Variants in PCDHGA8 observed in about 807,000 individuals in gnomAD.
The protein encoded by PCDHGA8 is protocadherin gamma subfamily A, 8, also known as protocadherin gamma-A8.
In PCDHGA8, 45 loss-of-function variants were observed where a neutral mutation model predicts 59.2. The observed-to-expected ratio is 0.76, with a 90% CI of 0.60 to 0.98. The LOEUF is 0.98. Among genes scored for constraint, PCDHGA8 ranks in the 50% least tolerant of loss-of-function variants. The pLI, the probability that PCDHGA8 is intolerant of heterozygous loss-of-function variation, is 0.00. For missense variants in PCDHGA8, 1,257 were observed against 1,196.2 expected (o/e 1.05, Z -0.75); for synonymous variants, 531 against 519.0 (o/e 1.02, Z -0.32).
intron 1 of PCDHGA8, chr5:141,409,191 A>G: frequency 1.2e-6 from 2 of 1,613,970 alleles, no homozygotes; most frequent in African/African-American, 2.7e-5. Flanking sequence ...CTCTCTACCC[A>G]GTGTAAAGTA....
chr5:141,452,148 T>C (rs1294195346), intron 1 of PCDHGA8, among the ~76,000 whole-genome samples: 1 of 152,228 alleles, frequency 6.6e-6, no homozygotes, highest in Non-Finnish European at 1.5e-5. Flanking sequence ...TTTTTTCCAA[T>C]GAGTTATATT....
chr5:141,463,424 CT>C (rs2099058999), intron 1 of PCDHGA8, among the ~76,000 whole-genome samples: 1 of 148,698 alleles, frequency 6.7e-6, no homozygotes, highest in Non-Finnish European at 1.5e-5. Flanking sequence ...TTTGCGGATC[CT>C]CATTTCCTTC....
In PCDHGA8 at chr5:141,434,915, T is replaced by A. The variant is rs1301814716; in HGVS notation, c.2424+39678T>A. Among the ~76,000 whole-genome samples, 3 of 151,830 alleles carry A rather than the reference T, an allele frequency of 2.0e-5. No homozygotes were observed. The East Asian group carries it at 5.8e-4, about 29-fold the overall frequency. ...GTCCCCTTCCCTCATACCTTATTTATGTACATATATTTTATATAATAGATA... is the reference window on the plus strand; with the variant it reads ...GTCCCCTTCCCTCATACCTTATTTAAGTACATATATTTTATATAATAGATA... On this transcript the variant is annotated intron_variant, in intron 1 of 3. Transcript: ENST00000398604.
intron 1 of PCDHGA8, among the ~76,000 whole-genome samples, chr5:141,407,497 G>GTTTTTTTTTTTTTT (rs1554102286): frequency 6.6e-6 from 1 of 152,090 alleles, no homozygotes; most frequent in African/African-American, 2.4e-5. Context: ...CTTTATTTCT[G>GTTTTTTTTTTTTTT]TTTTTCTTAG....
chr5:141,496,737 C>T (rs900394639), intron 2 of PCDHGA8, among the ~76,000 whole-genome samples: 9 of 152,168 alleles, frequency 5.9e-5, no homozygotes, highest in African/African-American at 2.2e-4. Context: ...TTCATTCGTT[C>T]ATTTATTCAA....
chr5:141,419,350 G>T lies in PCDHGA8; in HGVS notation c.2424+24113G>T, dbSNP rs202038869. 1.1e-4 allele frequency: 173 copies of T among 1,613,730 alleles called. 2 individuals are homozygous for T. The highest frequency in any genetic ancestry group is 2.3e-4 in the Admixed American group (14 of 60,012). ...ACTCTCTCATTGCCAGCGACCTGGA[G>T]TCACGAACGCTGTCGTCCTACGTGT... On this transcript the variant is annotated intron_variant, in intron 1 of 3. Transcript: ENST00000398604.
At chr5:141,419,739 G>A (rs200899065) in intron 1 of PCDHGA8, 179 of 1,613,652 alleles carry the variant, frequency 1.1e-4, no homozygotes, top group Admixed American at 2.5e-4. Context: ...GGCGAGGTGC[G>A]CATGGTGCGT....
At position 141,511,313 on chromosome 5, in the gene PCDHGA8, CAGAA is replaced by C; in HGVS notation, c.*142_*145del. The C allele has an allele frequency of 2.0e-6, 3 of 1,482,944 alleles. No homozygotes were observed. In the South Asian group the frequency reaches 4.1e-5, roughly 20 times the overall value. 91.9% of individuals were successfully genotyped at this position (1,482,944 alleles called of 1,614,324 possible). ...CCAAGGCCATGCTCCCCTTGGGAAA[CAGAA>C]ACAAGTGCCCAGTCAGCACCTACCC... On this transcript the variant is annotated 3_prime_UTR_variant, in exon 4 of 4. Transcript: ENST00000398604.
At position 141,487,033 on chromosome 5, in the gene PCDHGA8, A is replaced by C. The variant is rs1465525110; in HGVS notation, c.2425-7774A>C. ...AGGCCCCAGATCCCAGCCTGTTTGC[A>C]GTCTCTCGATATGCTGGGGAGGTGC... On this transcript the variant is annotated intron_variant, in intron 1 of 3. Transcript: ENST00000398604. This position sits in a 1 kb window ranked among gnomAD's most constrained non-coding sequence, Gnocchi z 5.0. 3 of 1,614,160 alleles carry C rather than the reference A, an allele frequency of 1.9e-6. No individual in the cohort carries two copies. Among genetic ancestry groups the C allele is most frequent in the Non-Finnish European group, 2.5e-6 (3 of 1,180,032 alleles).
chr5:141,405,974 A>T (rs1194827537), intron 1 of PCDHGA8, among the ~76,000 whole-genome samples: 1 of 152,002 alleles, frequency 6.6e-6, no homozygotes, highest in Non-Finnish European at 1.5e-5. Context: ...AACGTAAACC[A>T]TACTTCATGG....
chr5:141,478,148 C>T lies in PCDHGA8; in HGVS notation c.2425-16659C>T, dbSNP rs752958567. ...CTCTCCTGAAGCCCGAGCCGAGTTC[C>T]CCTCTGGCTCTGCCCCCCGGGAGCA... On this transcript the variant is annotated intron_variant, in intron 1 of 3. Coordinates refer to ENST00000398604, the MANE Select transcript of PCDHGA8 (RefSeq NM_032088.2). 3.1e-6 allele frequency: 5 copies of T among 1,613,948 alleles called. No homozygotes were observed. The highest frequency in any genetic ancestry group is 1.6e-4 in the Middle Eastern group (1 of 6,082).
At chr5:141,484,857 G>C in intron 1 of PCDHGA8, 1 of 264,370 alleles carries the variant, frequency 3.8e-6, no homozygotes. Flanking sequence ...TTTTTGGGGG[G>C]TGGGGGAGCG....
At chr5:141,418,013 A>G (rs769578436) in intron 1 of PCDHGA8, 45 of 1,613,788 alleles carry the variant, frequency 2.8e-5, no homozygotes, top group African/African-American at 4.0e-5. Flanking sequence ...GAACCTCGCT[A>G]AGGATCTAGG....
intron 1 of PCDHGA8, among the ~76,000 whole-genome samples, chr5:141,472,980 C>CAAAAAAAAAAAAAAAA (rs60579131): frequency 2.8e-4 from 24 of 86,024 alleles, no homozygotes; most frequent in East Asian, 1.2e-3. Context: ...GAGTGAAACT[C>CAAAAAAAAAAAAAAAA]AAAAAAAAAA....
intron 2 of PCDHGA8, among the ~76,000 whole-genome samples, chr5:141,497,539 C>A (rs2099777336): frequency 6.9e-6 from 1 of 145,274 alleles, no homozygotes; most frequent in African/African-American, 2.6e-5. Context: ...ATGCAACAAA[C>A]CTTTTTTTTT....
rs757755103 is a variant in PCDHGA8 at position 141,432,638 on chromosome 5, C to A, written c.2424+37401C>A. On this transcript the variant is annotated intron_variant, in intron 1 of 3. Coordinates refer to ENST00000398604, the MANE Select transcript of PCDHGA8 (RefSeq NM_032088.2). The surrounding 1 kb of genome is among the most constrained non-coding windows in gnomAD (Gnocchi z 6.0). ...GGTGGGTCTGCACACGGGCGAGGTG[C>A]GCACGGCGCGAGCCCTGCTGGACAG... The A allele has an allele frequency of 6.2e-6, 10 of 1,613,810 alleles. No homozygotes were observed. Among genetic ancestry groups the A allele is most frequent in the African/African-American group, 1.3e-5 (1 of 75,064 alleles).
chr5:141,399,332 C>T (rs2093787388), intron 1 of PCDHGA8: 1 of 1,613,994 alleles, frequency 6.2e-7, no homozygotes, highest in Non-Finnish European at 8.5e-7. Flanking sequence ...AAGTTGGTAA[C>T]AGATGGAACC....
intron 1 of PCDHGA8, among the ~76,000 whole-genome samples, chr5:141,471,913 G>A (rs1307168228): frequency 6.6e-6 from 1 of 152,164 alleles, no homozygotes. Context: ...CAAGCATGAG[G>A]GAAATTTTGG....
chr5:141,408,720 A>T, intron 1 of PCDHGA8: 1 of 1,611,332 alleles, frequency 6.2e-7, no homozygotes, highest in Non-Finnish European at 8.5e-7. Context: ...TATAAGATAA[A>T]CTCTAATCCT....
Sources: allele counts gnomAD v4.1 joint callset (sites outside exome capture counted in the v4.1 genomes callset), GRCh38; gene constraint gnomAD v4.1.1; non-coding constraint Gnocchi (gnomAD v3.1); transcripts MANE v1.5; gene names NCBI Gene and HGNC (gene_info 2026-07-23, HGNC 2026-07-21).